MACROD2: variants seen among roughly 807,000 people sequenced by gnomAD.
MACROD2 encodes the protein mono-ADP ribosylhydrolase 2, also known as ADP-ribose glycohydrolase MACROD2.
A neutral mutation model predicts 70.4 loss-of-function variants in MACROD2; 36 were observed. The observed-to-expected ratio is 0.51, with a 90% confidence interval of 0.39 to 0.68. MACROD2 has a LOEUF of 0.68. Among genes scored for constraint, MACROD2 ranks in the 30% least tolerant of loss-of-function variants. The probability of loss-of-function intolerance (pLI) is 0.00; values close to 1 mark genes in which losing one functional copy is unlikely to be tolerated. For missense variants in MACROD2, 496 were observed against 538.4 expected (o/e 0.92, Z 0.78); for synonymous variants, 172 against 178.8 (o/e 0.96, Z 0.30).
intron 15 of MACROD2, among the ~76,000 whole-genome samples, chr20:16,027,887 G>C (rs1300243885): frequency 6.6e-6 from 1 of 152,180 alleles, no homozygotes; most frequent in Non-Finnish European, 1.5e-5. Flanking sequence ...GCAGCCCCCA[G>C]CTGAGAAGGG....
rs142110529 is a variant in MACROD2 at position 15,615,080 on chromosome 20, C to T, written c.645+115233C>T. 4.6e-5 allele frequency among the ~76,000 whole-genome samples: 7 copies of T among 152,250 alleles called. No individual in the cohort carries two copies. The East Asian group carries it at 1.4e-3, about 29-fold the overall frequency. ...CATTTGCTACTGACTTTCCTCTATC[C>T]CGAAAGGGTAGCCAAGGTGAAGGCC... On this transcript the variant is annotated intron_variant, in intron 8 of 17. Coordinates refer to ENST00000684519, the MANE Select transcript of MACROD2 (RefSeq NM_001351661.2).
intron 13 of MACROD2, among the ~76,000 whole-genome samples, chr20:15,972,678 T>G (rs1361757232): frequency 6.6e-6 from 1 of 151,766 alleles, no homozygotes; most frequent in African/African-American, 2.4e-5. Flanking sequence ...GGCACGGTGG[T>G]GGGCACCTGT....
intron 8 of MACROD2, among the ~76,000 whole-genome samples, chr20:15,817,380 C>A (rs1445058004): frequency 2.0e-5 from 3 of 152,178 alleles, no homozygotes. Context: ...GAATCTTTCT[C>A]ACAATTGATC....
At chr20:15,051,752 CTTT>C (rs547605196) in intron 5 of MACROD2, among the ~76,000 whole-genome samples, 12 of 136,910 alleles carry the variant, frequency 8.8e-5, no homozygotes, top group Admixed American at 2.2e-4. Flanking sequence ...TATACCATCT[CTTT>C]TTTTTTTTTT....
intron 6 of MACROD2, among the ~76,000 whole-genome samples, chr20:15,252,305 A>G (rs910256497): frequency 6.6e-6 from 1 of 152,242 alleles, no homozygotes. Context: ...ATCCTGTACC[A>G]GTCAGGATAG....
rs1248037807 is a variant in MACROD2, at chr20:15,242,439, A to G, written c.540+12378A>G. Reference sequence around the variant, plus strand: ...TATATGCTGTTGGATTATTTTTTATATAATAAGTGTTTGAGAATTTCTGCA... The same window carrying G: ...TATATGCTGTTGGATTATTTTTTATGTAATAAGTGTTTGAGAATTTCTGCA... On this transcript the variant is annotated intron_variant, in intron 6 of 17. Transcript: ENST00000684519. Among the ~76,000 whole-genome samples the G allele has an allele frequency of 5.9e-5, 9 of 152,168 alleles. No individual in the cohort carries two copies. In the South Asian group the frequency reaches 1.9e-3, roughly 31 times the overall value.
chr20:14,887,862 T>C (rs1210397276), intron 5 of MACROD2, among the ~76,000 whole-genome samples: 1 of 110,834 alleles, frequency 9.0e-6, no homozygotes. Flanking sequence ...AAGAAAAGCA[T>C]TAAAAAAAAA....
intron 8 of MACROD2, among the ~76,000 whole-genome samples, chr20:15,566,261 A>T (rs1359145777): frequency 6.6e-6 from 1 of 152,100 alleles, no homozygotes; most frequent in Non-Finnish European, 1.5e-5. Context: ...AAGCCAGTGG[A>T]TTCCTTGAGG....
At chr20:15,301,713 T>A (rs2077645947) in intron 6 of MACROD2, among the ~76,000 whole-genome samples, 1 of 149,682 alleles carries the variant, frequency 6.7e-6, no homozygotes, top group South Asian at 2.1e-4. Flanking sequence ...ATCACAGGCA[T>A]GAGCCAATGC....
At chr20:14,213,730 G>A (rs1445195826) in intron 3 of MACROD2, among the ~76,000 whole-genome samples, 5 of 151,848 alleles carry the variant, frequency 3.3e-5, no homozygotes, top group Non-Finnish European at 1.5e-5. Flanking sequence ...GTTTTTCTTC[G>A]GCAGTCAAAA....
intron 2 of MACROD2, among the ~76,000 whole-genome samples, chr20:14,026,011 T>C (rs548908150): frequency 6.6e-6 from 1 of 152,356 alleles, no homozygotes; most frequent in East Asian, 1.9e-4. Flanking sequence ...GAACTTGCTT[T>C]ATGAATCTGG....
At chr20:15,060,372 C>T (rs986648958) in intron 5 of MACROD2, among the ~76,000 whole-genome samples, 1 of 152,180 alleles carries the variant, frequency 6.6e-6, no homozygotes, top group African/African-American at 2.4e-5. Context: ...CTCCACCCTG[C>T]GTCTTGCTCT....
intron 3 of MACROD2, among the ~76,000 whole-genome samples, chr20:14,193,316 A>G (rs2081403118): frequency 6.6e-6 from 1 of 152,206 alleles, no homozygotes; most frequent in African/African-American, 2.4e-5. Flanking sequence ...TGGATGTATA[A>G]ACCTAACTGA....
intron 4 of MACROD2, among the ~76,000 whole-genome samples, chr20:14,630,147 T>C (rs1470419352): frequency 6.6e-6 from 1 of 152,202 alleles, no homozygotes; most frequent in African/African-American, 2.4e-5. Context: ...ACAGTTTGGC[T>C]TTTGAGCCAA....
intron 8 of MACROD2, among the ~76,000 whole-genome samples, chr20:15,576,550 A>ATT (rs1165389377): frequency 2.9e-5 from 2 of 68,786 alleles, no homozygotes; most frequent in African/African-American, 6.5e-5. Context: ...TCTGCACAAA[A>ATT]TGTTTTTTTT....
At chr20:15,187,764 G>T (rs968051594) in intron 5 of MACROD2, among the ~76,000 whole-genome samples, 1 of 152,040 alleles carries the variant, frequency 6.6e-6, no homozygotes, top group Non-Finnish European at 1.5e-5. Flanking sequence ...TCCTTTAAGG[G>T]TTTATCATAA....
chr20:15,000,799 G>A (rs895347182), intron 5 of MACROD2, among the ~76,000 whole-genome samples: 21 of 152,090 alleles, frequency 1.4e-4, no homozygotes, highest in Non-Finnish European at 2.6e-4. Flanking sequence ...AAAATTTGAC[G>A]TAGTCTGACA....
chr20:14,361,309 A>G (rs73901237), intron 3 of MACROD2, among the ~76,000 whole-genome samples: 4,404 of 152,136 alleles, frequency 0.029, 210 homozygotes, highest in African/African-American at 0.099. Flanking sequence ...ACCACCCTCT[A>G]TATTTGCCAG....
Position 14,202,501 on chromosome 20 carries a change from A to T in MACROD2, c.271+116773A>T, listed in dbSNP as rs185045395. Among the ~76,000 whole-genome samples, 8 of 152,380 alleles carry T rather than the reference A, an allele frequency of 5.3e-5. No homozygotes were observed. The East Asian group carries it at 1.5e-3, about 29-fold the overall frequency. On this transcript the variant is annotated intron_variant, in intron 3 of 17. Coordinates refer to ENST00000684519, the MANE Select transcript of MACROD2 (RefSeq NM_001351661.2). ...AATTGCAGTCCTTGACACATCAAAG[A>T]CAACATAATTACTGAATGAATCTCC...
Sources: gnomAD v4.1 joint callset for allele counts (sites outside exome capture counted in the v4.1 genomes callset) on GRCh38, gnomAD v4.1.1 for gene constraint, MANE v1.5 for transcripts, NCBI Gene and HGNC (gene_info 2026-07-23, HGNC 2026-07-21) for gene names.